Variants in FARSB observed in about 807,000 individuals in gnomAD.
The protein encoded by FARSB is phenylalanyl-tRNA synthetase subunit beta.
Under a neutral mutation model 69.6 loss-of-function variants are expected in FARSB, and 40 were observed. That is an observed-to-expected ratio of 0.57 (90% confidence interval 0.45 to 0.75). The LOEUF (loss-of-function observed/expected upper bound fraction) is 0.75, where lower values mean the gene tolerates loss of function less well. Among genes scored for constraint, FARSB ranks in the 30% least tolerant of loss-of-function variants. The pLI is 0.00. For synonymous variants in FARSB, 235 were observed against 247.2 expected, an observed-to-expected ratio of 0.95 and a Z score of 0.46; for missense variants, 632 against 722.9, an observed-to-expected ratio of 0.87 and a Z score of 1.44.
At chr2:222,620,122 C>A (rs1691101846) in intron 13 of FARSB, among the ~76,000 whole-genome samples, 1 of 152,144 alleles carries the variant, frequency 6.6e-6, no homozygotes, top group Admixed American at 6.5e-5. Flanking sequence ...CCCATGATGC[C>A]CTAGCCATTC....
chr2:222,649,465 G>A (rs1404042298), intron 1 of FARSB, among the ~76,000 whole-genome samples: 1 of 152,198 alleles, frequency 6.6e-6, no homozygotes. Flanking sequence ...TGTCACATAA[G>A]TCCTATCAGG....
Position 222,623,750 on chromosome 2 carries a change from C to T in FARSB, c.1171-20G>A, listed in dbSNP as rs755720735. 12 of 1,461,750 alleles carry T rather than the reference C, an allele frequency of 8.2e-6. No individual in the cohort carries two copies. The East Asian group carries it at 1.1e-4, about 14-fold the overall frequency. The allele number at this position is 1,461,750 out of a possible 1,614,324, so 90.5% of individuals were successfully genotyped here. Reference sequence around the variant, plus strand: ...AGGAAACTGAAAAAAAAAGCATCCACTTGATTTCACCGCAATTATTTCTTG... The same window carrying T: ...AGGAAACTGAAAAAAAAAGCATCCATTTGATTTCACCGCAATTATTTCTTG... On this transcript the variant is annotated intron_variant, in intron 12 of 16. Transcript: ENST00000281828.
intron 16 of FARSB, among the ~76,000 whole-genome samples, chr2:222,595,025 G>C (rs1690374853): frequency 6.6e-6 from 1 of 152,156 alleles, no homozygotes; most frequent in South Asian, 2.1e-4. Flanking sequence ...TAAGAAAAAT[G>C]ATAGTATTTG....
At chr2:222,613,070 C>T (rs1427886727) in intron 15 of FARSB, among the ~76,000 whole-genome samples, 2 of 152,206 alleles carry the variant, frequency 1.3e-5, no homozygotes, top group Non-Finnish European at 2.9e-5. Flanking sequence ...TTCCACAGTG[C>T]TTGTCAAGTT....
In FARSB at chr2:222,629,033, T is replaced by G. The variant is rs1691348737; in HGVS notation, c.849-145A>C. Reference sequence around the variant, plus strand: ...TATCGCATTCCAGCACTGTTTGGATTGATCTTGCTATAAACAATAATACTC... The same window carrying G: ...TATCGCATTCCAGCACTGTTTGGATGGATCTTGCTATAAACAATAATACTC... On this transcript the variant is annotated intron_variant, in intron 9 of 16. Transcript: ENST00000281828. The G allele has an allele frequency of 9.5e-6, 6 of 632,272 alleles. No homozygotes were observed. The South Asian group carries it at 1.2e-4, about 12-fold the overall frequency. 39.2% of individuals were successfully genotyped at this position (632,272 alleles called of 1,614,324 possible).
chr2:222,654,184 G>A (rs912320719), intron 1 of FARSB, among the ~76,000 whole-genome samples: 3 of 152,114 alleles, frequency 2.0e-5, no homozygotes, highest in African/African-American at 4.8e-5. Context: ...TATACAGACT[G>A]AGCATTCCCA....
In FARSB at chr2:222,619,691, G is replaced by A. The variant is rs772558366; in HGVS notation, c.1298C>T (p.Ala433Val). ...ATTACTTATGTGGACTGCCTTTGTTGCAGAGATATCCACACCTAGTTTATC... is the reference window on the plus strand; with the variant it reads ...ATTACTTATGTGGACTGCCTTTGTTACAGAGATATCCACACCTAGTTTATC... ...IADKLGVDIS[A>V]TKAVHISNPK... Residue 433 changes from alanine (A) to valine (V), a missense_variant, in exon 14 of 17, where the codon GCA becomes GTA. Physicochemically the swap from Ala to Val is moderately conservative, Grantham distance 64. Transcript: ENST00000281828. 3 of 1,607,900 alleles carry A rather than the reference G, an allele frequency of 1.9e-6. No homozygotes were observed. In the Admixed American group the frequency reaches 5.0e-5, roughly 27 times the overall value.
intron 1 of FARSB, among the ~76,000 whole-genome samples, chr2:222,654,569 G>A (rs1326117310): frequency 6.6e-6 from 1 of 152,160 alleles, no homozygotes; most frequent in Non-Finnish European, 1.5e-5. Flanking sequence ...GGGCAGGTAA[G>A]AAATATAAAT....
chr2:222,587,915 A>C (rs1690161649), intron 16 of FARSB, among the ~76,000 whole-genome samples: 1 of 152,208 alleles, frequency 6.6e-6, no homozygotes. Context: ...TCACAGCCAA[A>C]TTCTATCAGA....
intron 16 of FARSB, among the ~76,000 whole-genome samples, chr2:222,590,447 T>C (rs1372718458): frequency 1.3e-5 from 2 of 148,908 alleles, no homozygotes; most frequent in Non-Finnish European, 3.0e-5. Context: ...CACACCAACA[T>C]GGCACATGTA....
chr2:222,578,674 T>C (rs1299419909), intron 16 of FARSB, among the ~76,000 whole-genome samples: 4 of 150,052 alleles, frequency 2.7e-5, no homozygotes, highest in Non-Finnish European at 4.4e-5. Context: ...CCATCTCTAC[T>C]AAAAATACAA....
rs754046489 is a variant in FARSB at position 222,634,489 on chromosome 2, G to A, written c.508C>T (p.Pro170Ser). Residue 170 changes from proline to serine, a missense_variant, in exon 6 of 17, where the codon CCA (proline) becomes TCA (serine). Coordinates refer to ENST00000281828, the MANE Select transcript of FARSB (RefSeq NM_005687.5). ...GTHDLDTLSG[P>S]FTYTAKRPSD... ...GGACGCTTTGCAGTATAAGTAAATG[G>A]GCCCGACAAAGTGTCCAAATCATGG... The A allele has an allele frequency of 3.0e-5, 48 of 1,612,764 alleles. No individual in the cohort carries two copies. The Admixed American group carries it at 7.5e-4, about 25-fold the overall frequency.
rs368567707 is a variant in FARSB at position 222,613,899 on chromosome 2, G to A, written c.1374C>T (p.Leu458=). ...QVARTTLLPG[L]LKTIAANRKM... ...TACGATTTGCTGCTATGGTCTTCAG[G>A]AGGCCAGGAAGAAGGGTAGTGCGTG... The change falls in exon 15 of 17, where the codon CTC becomes CTT. Residue 458 remains leucine, a synonymous_variant. Coordinates refer to ENST00000281828, the MANE Select transcript of FARSB (RefSeq NM_005687.5). The A allele has an allele frequency of 8.2e-5, 133 of 1,613,746 alleles. 4 individuals are homozygous for A. The South Asian group carries it at 1.4e-3, about 17-fold the overall frequency.
intron 16 of FARSB, among the ~76,000 whole-genome samples, chr2:222,581,701 G>A (rs772768404): frequency 2.0e-5 from 3 of 152,166 alleles, no homozygotes; most frequent in Non-Finnish European, 4.4e-5. Flanking sequence ...TGTATATCAC[G>A]AAGGGTTGAC....
At chr2:222,617,283 G>A (rs1217040964) in intron 14 of FARSB, among the ~76,000 whole-genome samples, 1 of 152,082 alleles carries the variant, frequency 6.6e-6, no homozygotes, top group Non-Finnish European at 1.5e-5. Flanking sequence ...TCTTAAGTGT[G>A]CTAAGCCACA....
At chr2:222,621,689 T>C (rs962849165) in intron 13 of FARSB, among the ~76,000 whole-genome samples, 2 of 152,218 alleles carry the variant, frequency 1.3e-5, no homozygotes, top group South Asian at 2.1e-4. Context: ...ACAACTACTA[T>C]GCAGATATAG....
chr2:222,634,632 G>T, intron 5 of FARSB, 91 bp from the exon 6 acceptor site: 1 of 992,152 alleles, frequency 1.0e-6, no homozygotes, highest in Non-Finnish European at 1.5e-6. Flanking sequence ...AAATTCTAAA[G>T]ATAACATAAA....
rs554895328 is a variant in FARSB, at chr2:222,604,515, C to G, written c.1463-4432G>C. Among the ~76,000 whole-genome samples, 5 of 152,170 alleles carry G rather than the reference C, an allele frequency of 3.3e-5. No homozygotes were observed. The East Asian group carries it at 9.7e-4, about 29-fold the overall frequency. On this transcript the variant is annotated intron_variant, in intron 15 of 16. Transcript: ENST00000281828. ...CTAGATATTCTTTGATGATAGAGGT[C>G]AAAGCCAGTACAAGACATCTACAAC...
At position 222,634,561 on chromosome 2, in the gene FARSB, G is replaced by A; in HGVS notation, c.456-20C>T. On this transcript the variant is annotated intron_variant, in intron 5 of 16. Transcript: ENST00000281828. ...CTTTTCCTAATTGTTGAGAGGTTGA[G>A]GGAGAAGGAGGGAGGAAAGGAAAGG... 1 of 1,584,690 alleles carries A rather than the reference G, an allele frequency of 6.3e-7. No individual in the cohort carries two copies. Among genetic ancestry groups the A allele is most frequent in the Non-Finnish European group, 8.6e-7 (1 of 1,164,686 alleles).
Sources: allele counts gnomAD v4.1 joint callset (sites outside exome capture counted in the v4.1 genomes callset), GRCh38; gene constraint gnomAD v4.1.1; transcripts MANE v1.5; gene names NCBI Gene and HGNC (gene_info 2026-07-23, HGNC 2026-07-21).